Variants in ERC2 observed in about 807,000 individuals in gnomAD.
The protein encoded by ERC2 is ELKS/RAB6-interacting/CAST family member 2.
Under a neutral mutation model 114.8 loss-of-function variants are expected in ERC2, and 42 were observed. The ratio of observed to expected loss-of-function variants is 0.37; its 90% CI spans 0.29 to 0.47. The LOEUF is 0.47. Among genes scored for constraint, ERC2 ranks in the 20% least tolerant of loss-of-function variants. The pLI is 0.99. For missense variants in ERC2, 939 were observed against 1,150.7 expected (o/e 0.82, Z 2.66); for synonymous variants, 454 against 425.5 (o/e 1.07, Z -0.82).
In ERC2 at chr3:56,186,835, G is replaced by A. The variant is rs926036282; in HGVS notation, c.1075-13315C>T. ...ATTACAGGCATAAGCCACCGCACCC[G>A]GCCAGTCCTACTGTTTCTTATATGG... On this transcript the variant is annotated intron_variant, in intron 3 of 17. Transcript: ENST00000288221. 3.9e-5 allele frequency among the ~76,000 whole-genome samples: 6 copies of A among 152,206 alleles called. 1 individual carries two copies. The highest frequency in any genetic ancestry group is 4.4e-5 in the Non-Finnish European group (3 of 68,010).
At chr3:55,933,300 T>C (rs1000367143) in intron 13 of ERC2, among the ~76,000 whole-genome samples, 6 of 152,024 alleles carry the variant, frequency 3.9e-5, no homozygotes, top group African/African-American at 7.2e-5. Context: ...GCCTACCCTC[T>C]GTGCAAAAAT....
At chr3:56,276,356 C>A (rs115858640) in intron 3 of ERC2, among the ~76,000 whole-genome samples, 1,615 of 151,010 alleles carry the variant, frequency 0.011, 26 homozygotes, top group African/African-American at 0.038. Flanking sequence ...CACATGAAAC[C>A]ATCTTTTATT....
chr3:55,854,008 C>A (rs1404455191), intron 14 of ERC2, among the ~76,000 whole-genome samples: 1 of 152,206 alleles, frequency 6.6e-6, no homozygotes, highest in African/African-American at 2.4e-5. Context: ...AGCGCGGCGG[C>A]TCACACCTGT....
intron 16 of ERC2, among the ~76,000 whole-genome samples, chr3:55,698,587 A>G (rs1194579549): frequency 6.6e-6 from 1 of 152,182 alleles, no homozygotes; most frequent in African/African-American, 2.4e-5. Flanking sequence ...GCTCCCATCT[A>G]TGGAAATGTA....
Position 56,014,002 on chromosome 3 carries a change from G to A in ERC2, c.1780-3413C>T, listed in dbSNP as rs1359121551. Among the ~76,000 whole-genome samples the A allele has an allele frequency of 2.0e-5, 3 of 152,188 alleles. No homozygotes were observed. The East Asian group carries it at 5.8e-4, about 29-fold the overall frequency. ...CAGTTCCTATCCAACGGTTTTATCT[G>A]TGCTTTCCAAATACATTAGGCATTC... On this transcript the variant is annotated intron_variant, in intron 8 of 17. Transcript: ENST00000288221.
chr3:55,780,214 G>A lies in ERC2; in HGVS notation c.2565-45296C>T, dbSNP rs185851356. On this transcript the variant is annotated intron_variant, in intron 14 of 17. Transcript: ENST00000288221. ...AAGACAAGGAAAACATACTAAAACC[G>A]CTATTGTAAAAGAGAAGCTTACCTG... 1.7e-3 allele frequency among the ~76,000 whole-genome samples: 258 copies of A among 152,118 alleles called. 1 individual carries two copies. The highest frequency in any genetic ancestry group is 5.5e-3 in the Admixed American group (84 of 15,272).
chr3:55,808,766 A>ATG (rs1229549561), intron 14 of ERC2, among the ~76,000 whole-genome samples: 5 of 142,514 alleles, frequency 3.5e-5, no homozygotes, highest in Admixed American at 3.5e-4. Context: ...ACATATATAT[A>ATG]TATATATATA....
intron 6 of ERC2, among the ~76,000 whole-genome samples, chr3:56,097,251 G>A (rs932563600): frequency 1.2e-4 from 18 of 152,142 alleles, no homozygotes; most frequent in Non-Finnish European, 1.6e-4. Context: ...TGAGCTCCAT[G>A]AGTAAAGAAG....
chr3:55,869,330 T>C (rs796527697), intron 14 of ERC2, among the ~76,000 whole-genome samples: 16 of 152,286 alleles, frequency 1.1e-4, no homozygotes, highest in African/African-American at 3.9e-4. Context: ...TATCTATTAT[T>C]GCCTACTTAC....
chr3:55,846,921 C>A (rs1559755427), intron 14 of ERC2, among the ~76,000 whole-genome samples: 1 of 152,168 alleles, frequency 6.6e-6, no homozygotes, highest in Non-Finnish European at 1.5e-5. Context: ...GTTCCAGACC[C>A]ACTGCTTCAT....
intron 14 of ERC2, among the ~76,000 whole-genome samples, chr3:55,759,077 C>A (rs1164647018): frequency 6.6e-6 from 1 of 152,104 alleles, no homozygotes; most frequent in East Asian, 1.9e-4. Context: ...GACAATTAAG[C>A]CAAACTTCAG....
chr3:56,038,873 T>C (rs9855895), intron 7 of ERC2, among the ~76,000 whole-genome samples: 141,975 of 152,170 alleles, frequency 0.93, 66,564 homozygotes, highest in East Asian at 1. Context: ...TATAAGTTGG[T>C]GCTGAACAAT....
chr3:55,603,237 C>G (rs2058487761), intron 17 of ERC2, among the ~76,000 whole-genome samples: 1 of 152,222 alleles, frequency 6.6e-6, no homozygotes, highest in South Asian at 2.1e-4. Context: ...AAAATAATAG[C>G]CTGTTATTGT....
intron 10 of ERC2, among the ~76,000 whole-genome samples, chr3:56,001,540 T>C (rs1336708371): frequency 2.0e-5 from 3 of 152,106 alleles, no homozygotes; most frequent in Non-Finnish European, 4.4e-5. Context: ...CAATGACTTT[T>C]GAATTAGTCA....
chr3:55,672,419 G>T (rs1424018634), intron 17 of ERC2, among the ~76,000 whole-genome samples: 2 of 151,978 alleles, frequency 1.3e-5, no homozygotes, highest in South Asian at 2.1e-4. Flanking sequence ...CTACTATAGT[G>T]GAAGGAGTAG....
At chr3:56,019,100 A>G in intron 7 of ERC2, 69 bp from the exon 8 acceptor site, 1 of 1,200,182 alleles carries the variant, frequency 8.3e-7, no homozygotes, top group South Asian at 1.5e-5. Flanking sequence ...CCTGAAGTGG[A>G]TCTATTAATA....
chr3:55,828,938 G>T (rs1477996290), intron 14 of ERC2, among the ~76,000 whole-genome samples: 1 of 152,106 alleles, frequency 6.6e-6, no homozygotes, highest in Non-Finnish European at 1.5e-5. Context: ...AAGAATTCCA[G>T]ACCAGCTTGG....
chr3:56,089,334 A>T (rs941368905), intron 6 of ERC2, among the ~76,000 whole-genome samples: 1 of 152,184 alleles, frequency 6.6e-6, no homozygotes, highest in African/African-American at 2.4e-5. Context: ...TGCAGTGGCT[A>T]GAAATGTTGC....
chr3:55,592,873 C>A (rs1400476949), intron 17 of ERC2, among the ~76,000 whole-genome samples: 1 of 152,218 alleles, frequency 6.6e-6, no homozygotes, highest in East Asian at 1.9e-4. Context: ...CTTAGAGAGT[C>A]ATTTGCTTAA....
Sources: allele counts gnomAD v4.1 joint callset (sites outside exome capture counted in the v4.1 genomes callset), GRCh38; gene constraint gnomAD v4.1.1; transcripts MANE v1.5; gene names NCBI Gene and HGNC (gene_info 2026-07-23, HGNC 2026-07-21).